The following TRIM67 variants were observed in gnomAD, a reference collection of about 807,000 sequenced individuals.
TRIM67 encodes tripartite motif-containing protein 67.
A neutral mutation model predicts 71.0 loss-of-function variants in TRIM67; 39 were observed. The observed-to-expected ratio is 0.55, with a 90% CI of 0.43 to 0.72. TRIM67 has a LOEUF of 0.72. Ranked by LOEUF, TRIM67 falls within the 30% of genes least tolerant of loss-of-function variation. TRIM67 has a pLI of 0.00. For missense variants in TRIM67, 973 were observed against 1,079.2 expected (o/e 0.90, Z 1.38); for synonymous variants, 481 against 473.9 (o/e 1.01, Z -0.19).
Position 231,215,551 on chromosome 1 carries a change from T to C in TRIM67, c.*111T>C, listed in dbSNP as rs1683993982. The C allele has an allele frequency of 6.9e-6, 10 of 1,449,414 alleles. No individual in the cohort carries two copies. In the East Asian group the frequency reaches 2.3e-4, roughly 34 times the overall value. The allele number at this position is 1,449,414 out of a possible 1,614,324, so 89.8% of individuals were successfully genotyped here. On this transcript the variant is annotated 3_prime_UTR_variant, in exon 10 of 10. Transcript: ENST00000366653. Reference sequence around the variant, plus strand: ...AAAAGCAGGATATGCAAATCATGGGTGCAACCTGGCAGCGTGGAGTGTCAT... The same window carrying C: ...AAAAGCAGGATATGCAAATCATGGGCGCAACCTGGCAGCGTGGAGTGTCAT...
chr1:231,193,503 G>GCTCTCTCT (rs3049035), intron 1 of TRIM67, among the ~76,000 whole-genome samples: 10,795 of 81,760 alleles, frequency 0.13, 1,541 homozygotes, highest in Non-Finnish European at 0.16. Flanking sequence ...TCTCTCTCAA[G>GCTCTCTCT]CTCTCTCTCT....
At chr1:231,190,350 T>G (rs1284613310) in intron 1 of TRIM67, among the ~76,000 whole-genome samples, 1 of 152,094 alleles carries the variant, frequency 6.6e-6, no homozygotes, top group Non-Finnish European at 1.5e-5. Context: ...GTCCCAGCTC[T>G]CCTCCTTACT....
In TRIM67 at chr1:231,189,093, A is replaced by G. The variant is rs141407431; in HGVS notation, c.1045-8278A>G. Reference sequence around the variant, plus strand: ...AGACCCTCAATCAGGCACCATTTATAGTGGGTCCTGTGTACTAGCCTCCGG... The same window carrying G: ...AGACCCTCAATCAGGCACCATTTATGGTGGGTCCTGTGTACTAGCCTCCGG... On this transcript the variant is annotated intron_variant, in intron 1 of 9. Transcript: ENST00000366653. Among the ~76,000 whole-genome samples the G allele has an allele frequency of 8.1e-4, 123 of 152,290 alleles. 1 individual carries two copies. Among genetic ancestry groups the G allele is most frequent in the African/African-American group, 2.6e-3 (110 of 41,556 alleles).
At chr1:231,201,879 C>T (rs1683535523) in intron 5 of TRIM67, among the ~76,000 whole-genome samples, 1 of 152,242 alleles carries the variant, frequency 6.6e-6, no homozygotes, top group South Asian at 2.1e-4. Flanking sequence ...CAAGATTGGG[C>T]TTACGCTCTC....
rs1683453036 is a variant in TRIM67, at chr1:231,199,133, C to T, written c.1227C>T (p.Leu409=). The change falls in exon 3 of 10, where the codon CTC becomes CTT. Residue 409 remains leucine (L), a synonymous_variant. Coordinates refer to ENST00000366653, the MANE Select transcript of TRIM67 (RefSeq NM_001004342.5). ...TAACTCGTCAGAAAGCCAAGCTGCT[C>T]ACCAAGGTGACTAAAGAGAGGGAAC... ...DALTRQKAKL[L]TKVTKEREHK... is the part of the protein sequence containing the mutation. 6.2e-7 allele frequency: 1 copy of T among 1,613,854 alleles called. No individual in the cohort carries two copies. Among genetic ancestry groups the T allele is most frequent in the African/African-American group, 1.3e-5 (1 of 74,900 alleles).
Position 231,200,223 on chromosome 1 carries a change from G to A in TRIM67, c.1339G>A (p.Val447Met). The change falls in exon 4 of 10, where the codon GTG becomes ATG. Residue 447 changes from valine (V) to methionine (M), a missense_variant. Physicochemically the swap from Val to Met is conservative, Grantham distance 21. This residue lies in a region of TRIM67 where 795 missense variants were observed against 831.3 expected (regional missense o/e 0.96). Coordinates refer to ENST00000366653, the MANE Select transcript of TRIM67 (RefSeq NM_001004342.5). ...CGGACTGATGGAGTACTGCCTGGAG[G>A]TGATCAAGGAGAACGACCCCTCCGG... ...STGLMEYCLE[V>M]IKENDPSGFL... The A allele has an allele frequency of 6.2e-7, 1 of 1,613,908 alleles. No individual in the cohort carries two copies. Among genetic ancestry groups the A allele is most frequent in the Non-Finnish European group, 8.5e-7 (1 of 1,179,800 alleles).
rs963198059 is a variant in TRIM67 at position 231,218,730 on chromosome 1, A to G, written c.*3290A>G. 2.7e-5 allele frequency: 27 copies of G among 985,304 alleles called. No homozygotes were observed. Among genetic ancestry groups the G allele is most frequent in the African/African-American group, 5.2e-5 (3 of 57,238 alleles). 61.0% of individuals were successfully genotyped at this position (985,304 alleles called of 1,614,324 possible). A position where few individuals can be genotyped will look rare whatever the true frequency, so the allele number is the denominator to read the frequency against. On this transcript the variant is annotated 3_prime_UTR_variant, in exon 10 of 10. Coordinates refer to ENST00000366653, the MANE Select transcript of TRIM67 (RefSeq NM_001004342.5). ...ATCTTCAGCCTGATATGTACTTTGT[A>G]GTTGCAACAGCGCCCTAGGTGCCCT...
At chr1:231,174,616 T>C (rs975754273) in intron 1 of TRIM67, among the ~76,000 whole-genome samples, 4 of 152,106 alleles carry the variant, frequency 2.6e-5, no homozygotes, top group Admixed American at 6.5e-5. Flanking sequence ...CCCTTCTCTG[T>C]CTCCACTCTG....
intron 8 of TRIM67, among the ~76,000 whole-genome samples, chr1:231,211,051 TTTTG>T (rs35937350): frequency 2.8e-5 from 3 of 108,742 alleles, no homozygotes; most frequent in Non-Finnish European, 6.4e-5. Context: ...TATATATATA[TTTTG>T]TTTGTTTGTT....
Position 231,176,986 on chromosome 1 carries a change from T to C in TRIM67, c.1044+12973T>C, listed in dbSNP as rs921280725. Among the ~76,000 whole-genome samples, 3 of 134,138 alleles carry C rather than the reference T, an allele frequency of 2.2e-5. No individual in the cohort carries two copies. In the Admixed American group the frequency reaches 2.3e-4, roughly 10 times the overall value. 88.0% of individuals were successfully genotyped at this position (134,138 alleles called of 152,430 possible). On this transcript the variant is annotated intron_variant, in intron 1 of 9. Transcript: ENST00000366653. The stretch of plus-strand genomic sequence containing the variant: ...GGGGCTAGAGATGGGGAGAAAGGGG[T>C]AAAAACAAAAGAAGTGAGGAAACCG...
intron 1 of TRIM67, among the ~76,000 whole-genome samples, chr1:231,168,388 C>T (rs1426690855): frequency 6.6e-6 from 1 of 152,236 alleles, no homozygotes; most frequent in Non-Finnish European, 1.5e-5. Context: ...CTGTTACAAA[C>T]ATTTCGCTTG....
chr1:231,219,381 A>G lies in TRIM67; in HGVS notation c.*3941A>G. The stretch of plus-strand genomic sequence containing the variant: ...CACCAGGTTATGCCAGTGGTTTGTC[A>G]TGCATGGATCTGTAGAGGGACTGTG... On this transcript the variant is annotated 3_prime_UTR_variant, in exon 10 of 10. Coordinates refer to ENST00000366653, the MANE Select transcript of TRIM67 (RefSeq NM_001004342.5). 4 of 992,830 alleles carry G rather than the reference A, an allele frequency of 4.0e-6. No individual in the cohort carries two copies. The highest frequency in any genetic ancestry group is 4.8e-6 in the Non-Finnish European group (4 of 834,850). 61.5% of individuals were successfully genotyped at this position (992,830 alleles called of 1,614,324 possible).
rs139760477 is a variant in TRIM67, at chr1:231,219,005, C to T, written c.*3565C>T. The T allele has an allele frequency of 1.5e-5, 15 of 985,426 alleles. No individual in the cohort carries two copies. In the African/African-American group the frequency reaches 2.6e-4, roughly 17 times the overall value. The allele number at this position is 985,426 out of a possible 1,614,324, so 61.0% of individuals were successfully genotyped here. ...CTCATTGCAAGCGAAAGGCTTGGTCCCCCTGGGAAGGCGGGTTTCGGCACC... is the reference window on the plus strand; with the variant it reads ...CTCATTGCAAGCGAAAGGCTTGGTCTCCCTGGGAAGGCGGGTTTCGGCACC... On this transcript the variant is annotated 3_prime_UTR_variant, in exon 10 of 10. Coordinates refer to ENST00000366653, the MANE Select transcript of TRIM67 (RefSeq NM_001004342.5).
In TRIM67 at chr1:231,185,335, G is replaced by A. The variant is rs557422235; in HGVS notation, c.1045-12036G>A. ...AAAAGAAAAGGAAGGAAAGTCAGAA[G>A]GGAGAATGGCTCTTGTTTTCCTCAT... is the stretch of plus-strand genomic sequence containing the variant. On this transcript the variant is annotated intron_variant, in intron 1 of 9. Transcript: ENST00000366653. 4 of 1,011,784 alleles carry A rather than the reference G, an allele frequency of 4.0e-6. No homozygotes were observed. In the East Asian group the frequency reaches 7.8e-5, roughly 20 times the overall value. 62.7% of individuals were successfully genotyped at this position (1,011,784 alleles called of 1,614,324 possible).
In TRIM67 at chr1:231,162,874, C is replaced by G. The variant is rs1682326215; in HGVS notation, c.-96C>G. 1.3e-6 allele frequency: 2 copies of G among 1,496,646 alleles called. No homozygotes were observed. The highest frequency in any genetic ancestry group is 1.8e-6 in the Non-Finnish European group (2 of 1,123,200). 92.7% of individuals were successfully genotyped at this position (1,496,646 alleles called of 1,614,324 possible). A position where few individuals can be genotyped will look rare whatever the true frequency, so the allele number is the denominator to read the frequency against. The stretch of plus-strand genomic sequence containing the variant: ...CCCGTGTGATGCCCCCGCCCGTCGT[C>G]TCACCGGGGCGCACCGCGCTGGTCC... On this transcript the variant is annotated 5_prime_UTR_variant, in exon 1 of 10. Transcript: ENST00000366653.
chr1:231,211,338 C>T (rs919409043), intron 8 of TRIM67, among the ~76,000 whole-genome samples: 1 of 152,062 alleles, frequency 6.6e-6, no homozygotes, highest in Non-Finnish European at 1.5e-5. Flanking sequence ...GAACCTGCCC[C>T]TGTCTGCATG....
At chr1:231,200,321 C>A in intron 4 of TRIM67, 63 bp downstream of exon 4, 6 of 1,086,444 alleles carry the variant, frequency 5.5e-6, no homozygotes, top group Non-Finnish European at 8.5e-6. Flanking sequence ...TTCCCCAAAT[C>A]AGCCCAAGTT....
intron 2 of TRIM67, among the ~76,000 whole-genome samples, chr1:231,198,754 T>C (rs895155146): frequency 2.0e-5 from 3 of 152,190 alleles, no homozygotes; most frequent in Non-Finnish European, 2.9e-5. Context: ...GAATAACGTG[T>C]ATCCTGACTT....
chr1:231,219,451 G>A lies in TRIM67; in HGVS notation c.*4011G>A. ...CCATAGAAAGCCTGTATGTGACAAA[G>A]CTGCCAGCCTTTATCTTGATACCCA... On this transcript the variant is annotated 3_prime_UTR_variant, in exon 10 of 10. Transcript: ENST00000366653. 1 of 1,042,270 alleles carries A rather than the reference G, an allele frequency of 9.6e-7. No individual in the cohort carries two copies. The highest frequency in any genetic ancestry group is 1.2e-6 in the Non-Finnish European group (1 of 865,180). The allele number at this position is 1,042,270 out of a possible 1,614,324, so 64.6% of individuals were successfully genotyped here.
Sources: allele counts gnomAD v4.1 joint callset (sites outside exome capture counted in the v4.1 genomes callset), GRCh38; gene constraint gnomAD v4.1.1; regional missense constraint gnomAD v4.1.1; transcripts MANE v1.5; gene names NCBI Gene and HGNC (gene_info 2026-07-23, HGNC 2026-07-21).